Variants in PIP4K2A observed in about 807,000 individuals in gnomAD.
PIP4K2A encodes the protein phosphatidylinositol 5-phosphate 4-kinase type-2 alpha.
Under a neutral mutation model 42.9 loss-of-function variants are expected in PIP4K2A, and 14 were observed. That is an observed-to-expected ratio of 0.33 (90% CI 0.22 to 0.51). The LOEUF is 0.51. Among genes scored for constraint, PIP4K2A ranks in the 20% least tolerant of loss-of-function variants. PIP4K2A has a pLI of 0.97. For missense variants in PIP4K2A, 434 were observed against 519.8 expected (o/e 0.83, Z 1.61); for synonymous variants, 192 against 192.2 (o/e 1.00, Z 0.01).
At chr10:22,700,230 CTGCTTATGGACCAAT>C (rs532072245) in intron 1 of PIP4K2A, among the ~76,000 whole-genome samples, 5 of 152,356 alleles carry the variant, frequency 3.3e-5, no homozygotes, top group Admixed American at 2.6e-4. Context: ...TCAAGGAAAA[CTGCTTATGGACCAAT>C]TCATACATCC....
chr10:22,577,100 G>T (rs1225823949), intron 4 of PIP4K2A, among the ~76,000 whole-genome samples: 23 of 134,122 alleles, frequency 1.7e-4, no homozygotes, highest in Non-Finnish European at 3.7e-4. Context: ...AAAAAAAAAA[G>T]TATTCATAGA....
intron 1 of PIP4K2A, among the ~76,000 whole-genome samples, chr10:22,698,517 GCAA>G (rs1840013076): frequency 6.6e-6 from 1 of 152,188 alleles, no homozygotes; most frequent in East Asian, 1.9e-4. Context: ...GATGCTGACA[GCAA>G]CATTATTTGT....
intron 1 of PIP4K2A, among the ~76,000 whole-genome samples, chr10:22,611,139 A>G (rs943746352): frequency 2.6e-5 from 4 of 152,220 alleles, no homozygotes; most frequent in African/African-American, 9.6e-5. Context: ...ATGTAATCCC[A>G]GCAATTTGGG....
intron 3 of PIP4K2A, among the ~76,000 whole-genome samples, chr10:22,602,172 C>T (rs1478482876): frequency 1.3e-5 from 2 of 152,008 alleles, no homozygotes; most frequent in Non-Finnish European, 2.9e-5. Flanking sequence ...GTGGGTGGAT[C>T]GCTTGAGCCC....
chr10:22,536,971 C>T lies in PIP4K2A; in HGVS notation c.*230G>A, dbSNP rs546640878. The T allele has an allele frequency of 1.0e-3, 304 of 293,694 alleles. 8 individuals are homozygous for T. In the East Asian group the frequency reaches 0.02, roughly 19 times the overall value. 18.2% of individuals were successfully genotyped at this position (293,694 alleles called of 1,614,324 possible). A position where few individuals can be genotyped will look rare whatever the true frequency, so the allele number is the denominator to read the frequency against. Reference sequence around the variant, plus strand: ...CGCACACACTCACCCCCCCCCAACACACACACACACACATATACACAAAGT... The same window carrying T: ...CGCACACACTCACCCCCCCCCAACATACACACACACACATATACACAAAGT... On this transcript the variant is annotated 3_prime_UTR_variant, in exon 10 of 10. Coordinates refer to ENST00000376573, the MANE Select transcript of PIP4K2A (RefSeq NM_005028.5).
chr10:22,546,038 C>T (rs10828314), intron 7 of PIP4K2A, among the ~76,000 whole-genome samples: 84,237 of 152,038 alleles, frequency 0.55, 24,138 homozygotes, highest in South Asian at 0.75. Context: ...CCAAATATGG[C>T]ACAGTGGTTA....
chr10:22,711,756 CAGA>C (rs1401185455), intron 1 of PIP4K2A, among the ~76,000 whole-genome samples: 6 of 152,180 alleles, frequency 3.9e-5, no homozygotes, highest in Non-Finnish European at 4.4e-5. Context: ...CTTTGGTGCA[CAGA>C]AGGTCATATA....
intron 1 of PIP4K2A, among the ~76,000 whole-genome samples, chr10:22,667,510 CAACA>C (rs1279754310): frequency 1.3e-5 from 2 of 152,122 alleles, no homozygotes; most frequent in African/African-American, 4.8e-5. Flanking sequence ...ACTCATTCTT[CAACA>C]AACTGAAGAT....
chr10:22,712,575 T>C lies in PIP4K2A; in HGVS notation c.144+1608A>G, dbSNP rs527482129. On this transcript the variant is annotated intron_variant, in intron 1 of 9. Coordinates refer to ENST00000376573, the MANE Select transcript of PIP4K2A (RefSeq NM_005028.5). ...ATAATAAAAGAGCTTAACAAAATTA[T>C]ACATAACTCTACATTGTAAACTTAT... Among the ~76,000 whole-genome samples the C allele has an allele frequency of 8.6e-4, 131 of 152,344 alleles. No homozygotes were observed. The South Asian group carries it at 0.01, about 12-fold the overall frequency.
intron 1 of PIP4K2A, among the ~76,000 whole-genome samples, chr10:22,655,467 T>C (rs1839081987): frequency 6.6e-6 from 1 of 152,236 alleles, no homozygotes; most frequent in Admixed American, 6.5e-5. Flanking sequence ...ATGCTGTCTC[T>C]TGATTTAGCC....
intron 1 of PIP4K2A, among the ~76,000 whole-genome samples, chr10:22,625,274 A>C (rs1838414710): frequency 6.6e-6 from 1 of 152,240 alleles, no homozygotes. Flanking sequence ...CATTTTCAGA[A>C]AATTCAAAAA....
chr10:22,683,052 A>G (rs1215237180), intron 1 of PIP4K2A, among the ~76,000 whole-genome samples: 2 of 143,966 alleles, frequency 1.4e-5, no homozygotes, highest in Non-Finnish European at 3.0e-5. Context: ...CAAAAAGAAA[A>G]GAAAAAGAAA....
chr10:22,619,380 A>G (rs1376055862), intron 1 of PIP4K2A, among the ~76,000 whole-genome samples: 1 of 151,076 alleles, frequency 6.6e-6, no homozygotes, highest in Non-Finnish European at 1.5e-5. Context: ...ATTTGTCTTG[A>G]GGCAAGAGGT....
intron 1 of PIP4K2A, among the ~76,000 whole-genome samples, chr10:22,682,881 T>C (rs770571400): frequency 6.6e-6 from 1 of 152,188 alleles, no homozygotes; most frequent in Non-Finnish European, 1.5e-5. Context: ...CCAGTCATCT[T>C]TACATATGCA....
chr10:22,609,486 T>A, intron 2 of PIP4K2A, 134 bp downstream of exon 2: 1 of 651,798 alleles, frequency 1.5e-6, no homozygotes. Flanking sequence ...CAGATGGTTA[T>A]GTTTATCACA....
At position 22,537,183 on chromosome 10, in the gene PIP4K2A, C is replaced by G; in HGVS notation, c.*18G>C. 1.3e-6 allele frequency: 2 copies of G among 1,585,482 alleles called. No homozygotes were observed. The highest frequency in any genetic ancestry group is 2.3e-5 in the South Asian group (2 of 87,922). ...CTGTCCATCCAATGTTCATGTCTGT[C>G]CGAGGCTGCGCAGGAGGTTACGTCA... On this transcript the variant is annotated 3_prime_UTR_variant, in exon 10 of 10. Transcript: ENST00000376573.
intron 4 of PIP4K2A, among the ~76,000 whole-genome samples, chr10:22,584,813 C>G (rs1276442630): frequency 1.3e-5 from 2 of 152,194 alleles, no homozygotes; most frequent in East Asian, 1.9e-4. Context: ...CTGATACTTA[C>G]ACAGGACTGA....
chr10:22,697,415 T>A lies in PIP4K2A; in HGVS notation c.144+16768A>T, dbSNP rs189109513. 2.0e-5 allele frequency among the ~76,000 whole-genome samples: 3 copies of A among 152,224 alleles called. No homozygotes were observed. In the East Asian group the frequency reaches 5.8e-4, roughly 29 times the overall value. On this transcript the variant is annotated intron_variant, in intron 1 of 9. Coordinates refer to ENST00000376573, the MANE Select transcript of PIP4K2A (RefSeq NM_005028.5). ...GGACCACAGTAGAGGGATGGTAACA[T>A]CCAACATTTAAAAAGCAAGGCTGGG...
At chr10:22,710,991 T>G (rs539514756) in intron 1 of PIP4K2A, among the ~76,000 whole-genome samples, 26 of 152,346 alleles carry the variant, frequency 1.7e-4, no homozygotes, top group African/African-American at 6.3e-4. Flanking sequence ...AATATCATCT[T>G]AAGACGCTTA....
Sources: allele counts gnomAD v4.1 joint callset (sites outside exome capture counted in the v4.1 genomes callset), GRCh38; gene constraint gnomAD v4.1.1; transcripts MANE v1.5; gene names NCBI Gene and HGNC (gene_info 2026-07-23, HGNC 2026-07-21).